CERS6: variants seen among roughly 807,000 people sequenced by gnomAD.
CERS6 encodes the protein ceramide synthase 6.
In CERS6, 26 loss-of-function variants were observed where a neutral mutation model predicts 56.8. That is an observed-to-expected ratio of 0.46 (90% CI 0.34 to 0.63). CERS6 has a LOEUF of 0.63. CERS6 is among the 30% of genes least tolerant of loss of function. The probability of loss-of-function intolerance (pLI) is 0.01; values close to 1 mark genes in which losing one functional copy is unlikely to be tolerated. For synonymous variants in CERS6, 164 were observed against 173.3 expected, an observed-to-expected ratio of 0.95 and a Z score of 0.42; for missense variants, 415 against 467.5, an observed-to-expected ratio of 0.89 and a Z score of 1.04.
intron 6 of CERS6, among the ~76,000 whole-genome samples, chr2:168,697,904 C>T (rs778236988): frequency 6.6e-6 from 1 of 152,196 alleles, no homozygotes; most frequent in Admixed American, 6.5e-5. Context: ...CTAGCTTGAG[C>T]TTTCTCATCA....
chr2:168,653,650 A>G (rs1255979123), intron 4 of CERS6, among the ~76,000 whole-genome samples: 1 of 152,130 alleles, frequency 6.6e-6, no homozygotes, highest in Non-Finnish European at 1.5e-5. Flanking sequence ...CATTTCTATT[A>G]TTTGGCTCCC....
intron 1 of CERS6, among the ~76,000 whole-genome samples, chr2:168,515,018 A>G (rs1438749557): frequency 6.6e-6 from 1 of 152,236 alleles, no homozygotes; most frequent in South Asian, 2.1e-4. Context: ...ACACATGCAT[A>G]TGTGTGTAAT....
chr2:168,745,635 A>AC (rs1684076441), intron 8 of CERS6, among the ~76,000 whole-genome samples: 1 of 152,226 alleles, frequency 6.6e-6, no homozygotes, highest in African/African-American at 2.4e-5. Flanking sequence ...ACAAATGGAA[A>AC]CCCACAGACT....
intron 1 of CERS6, among the ~76,000 whole-genome samples, chr2:168,473,370 G>A (rs933260092): frequency 4.6e-5 from 7 of 151,694 alleles, no homozygotes; most frequent in Non-Finnish European, 8.8e-5. Context: ...ACTTTACTAA[G>A]TCCTAGTATC....
At chr2:168,623,761 A>G (rs1456043535) in intron 3 of CERS6, among the ~76,000 whole-genome samples, 1 of 152,240 alleles carries the variant, frequency 6.6e-6, no homozygotes, top group Non-Finnish European at 1.5e-5. Flanking sequence ...AATAGGCAGT[A>G]TATCAGGTAT....
intron 4 of CERS6, among the ~76,000 whole-genome samples, chr2:168,664,002 C>T (rs746339095): frequency 6.6e-6 from 1 of 152,192 alleles, no homozygotes; most frequent in Non-Finnish European, 1.5e-5. Flanking sequence ...GCTGCTTCTG[C>T]ATTTCCATTG....
chr2:168,684,334 G>C (rs907048993), intron 4 of CERS6, among the ~76,000 whole-genome samples: 1 of 152,156 alleles, frequency 6.6e-6, no homozygotes, highest in Non-Finnish European at 1.5e-5. Flanking sequence ...TGCATTCTGG[G>C]AGTGCTCTCG....
chr2:168,554,309 TG>T (rs1325683455), intron 2 of CERS6, among the ~76,000 whole-genome samples: 3 of 152,242 alleles, frequency 2.0e-5, no homozygotes, highest in Non-Finnish European at 4.4e-5. Context: ...GTTATTGGTA[TG>T]GGTCGAATTA....
intron 4 of CERS6, among the ~76,000 whole-genome samples, chr2:168,644,622 G>T (rs962237412): frequency 3.3e-5 from 5 of 152,124 alleles, no homozygotes; most frequent in African/African-American, 1.2e-4. Context: ...AGGTGAAACA[G>T]CTTCTTGTGT....
chr2:168,559,648 G>T (rs1190610128), intron 2 of CERS6, among the ~76,000 whole-genome samples: 1 of 148,830 alleles, frequency 6.7e-6, no homozygotes, highest in African/African-American at 2.5e-5. Flanking sequence ...GGGCATGTGG[G>T]TTTCAACATA....
At chr2:168,550,828 C>T (rs954344992) in intron 2 of CERS6, among the ~76,000 whole-genome samples, 2 of 152,196 alleles carry the variant, frequency 1.3e-5, no homozygotes, top group African/African-American at 4.8e-5. Context: ...CTGCCTCCAT[C>T]CTCTCTGAAA....
At chr2:168,742,177 C>T (rs13389488) in intron 8 of CERS6, among the ~76,000 whole-genome samples, 14,292 of 152,192 alleles carry the variant, frequency 0.094, 720 homozygotes, top group Non-Finnish European at 0.1. Flanking sequence ...TTGTATTAGT[C>T]TCAATGTGAT....
At chr2:168,752,139 C>T (rs1021553914) in intron 8 of CERS6, among the ~76,000 whole-genome samples, 1 of 152,014 alleles carries the variant, frequency 6.6e-6, no homozygotes, top group Non-Finnish European at 1.5e-5. Flanking sequence ...GAGAAAATAT[C>T]TTAAGCATGT....
intron 1 of CERS6, among the ~76,000 whole-genome samples, chr2:168,461,870 T>C (rs531402814): frequency 6.6e-6 from 1 of 152,352 alleles, no homozygotes; most frequent in East Asian, 1.9e-4. Flanking sequence ...TTCCTGGTTG[T>C]AAAGTGTTTC....
chr2:168,598,530 A>G (rs540063399), intron 3 of CERS6, among the ~76,000 whole-genome samples: 14 of 152,300 alleles, frequency 9.2e-5, no homozygotes, highest in African/African-American at 3.4e-4. Flanking sequence ...TGGGAAATTT[A>G]AATAGCCTAA....
At chr2:168,624,132 A>G (rs183301203) in intron 3 of CERS6, among the ~76,000 whole-genome samples, 3 of 152,308 alleles carry the variant, frequency 2.0e-5, no homozygotes, top group Admixed American at 2.0e-4. Flanking sequence ...TTTTTCTGCT[A>G]GTATACATTC....
chr2:168,465,127 T>C lies in CERS6; in HGVS notation c.170+8509T>C, dbSNP rs143471593. Among the ~76,000 whole-genome samples, 634 of 152,372 alleles carry C rather than the reference T, an allele frequency of 4.2e-3. 3 individuals carry two copies. Among genetic ancestry groups the C allele is most frequent in the African/African-American group, 0.014 (599 of 41,596 alleles). On this transcript the variant is annotated intron_variant, in intron 1 of 9. Coordinates refer to ENST00000305747, the MANE Select transcript of CERS6 (RefSeq NM_203463.3). ...AGCCAAAAGGTGGGAGCAACCAAAG[T>C]GTCTATTGATATGTGAACAGCTAAA...
rs7574872 is a variant in CERS6, at chr2:168,583,941, T to C, written c.407+22619T>C. Among the ~76,000 whole-genome samples the C allele has an allele frequency of 5.8e-3, 877 of 152,332 alleles. 9 individuals carry two copies. Among genetic ancestry groups the C allele is most frequent in the African/African-American group, 0.02 (833 of 41,576 alleles). The stretch of plus-strand genomic sequence containing the variant: ...TTTGCCATCATGACAGCATCTGACA[T>C]GTACTGACATGTACTGAATACTTAG... On this transcript the variant is annotated intron_variant, in intron 3 of 9. Transcript: ENST00000305747.
intron 5 of CERS6, among the ~76,000 whole-genome samples, chr2:168,692,093 T>C (rs913163163): frequency 6.6e-6 from 1 of 152,182 alleles, no homozygotes; most frequent in Non-Finnish European, 1.5e-5. Context: ...CAATTGGCAT[T>C]TTCATCTCTT....
Sources: gnomAD v4.1 joint callset for allele counts (sites outside exome capture counted in the v4.1 genomes callset) on GRCh38, gnomAD v4.1.1 for gene constraint, MANE v1.5 for transcripts, NCBI Gene and HGNC (gene_info 2026-07-23, HGNC 2026-07-21) for gene names.